The following EXOC6B variants were observed in gnomAD, a reference collection of about 807,000 sequenced individuals.
EXOC6B encodes exocyst complex component 6B.
Under a neutral mutation model 113.5 loss-of-function variants are expected in EXOC6B, and 54 were observed. The observed-to-expected ratio is 0.48, with a 90% CI of 0.38 to 0.60. EXOC6B has a LOEUF of 0.60. EXOC6B is among the 20% of genes least tolerant of loss of function. EXOC6B has a pLI of 0.00. For synonymous variants in EXOC6B, 357 were observed against 339.0 expected, an observed-to-expected ratio of 1.05 and a Z score of -0.58; for missense variants, 797 against 977.5, an observed-to-expected ratio of 0.82 and a Z score of 2.46.
intron 1 of EXOC6B, among the ~76,000 whole-genome samples, chr2:72,802,609 T>C (rs978424709): frequency 6.6e-6 from 1 of 152,216 alleles, no homozygotes; most frequent in Non-Finnish European, 1.5e-5. Context: ...TAAGCTTTTC[T>C]GTATGGTTTA....
At chr2:72,374,953 T>C in intron 19 of EXOC6B, among the ~76,000 whole-genome samples, 1 of 151,516 alleles carries the variant, frequency 6.6e-6, no homozygotes, top group Non-Finnish European at 1.5e-5. Flanking sequence ...TTTTAAAAAA[T>C]TAAAAGAGAA....
chr2:72,800,011 G>C (rs1248507722), intron 1 of EXOC6B, among the ~76,000 whole-genome samples: 1 of 152,080 alleles, frequency 6.6e-6, no homozygotes. Context: ...GCTGCAGGGA[G>C]CTAAGATCAT....
intron 8 of EXOC6B, among the ~76,000 whole-genome samples, chr2:72,556,310 T>C (rs1703541137): frequency 1.3e-5 from 2 of 152,214 alleles, no homozygotes; most frequent in Admixed American, 6.5e-5. Context: ...ATTCCCCTTA[T>C]CAAATGAGGG....
intron 18 of EXOC6B, among the ~76,000 whole-genome samples, chr2:72,415,336 TC>T (rs1694454224): frequency 2.2e-5 from 3 of 133,582 alleles, no homozygotes; most frequent in Non-Finnish European, 4.5e-5. Flanking sequence ...GAGCCTGGAG[TC>T]CTCCAAAAAA....
intron 7 of EXOC6B, among the ~76,000 whole-genome samples, chr2:72,572,983 A>C (rs1704607940): frequency 6.6e-6 from 1 of 152,208 alleles, no homozygotes. Flanking sequence ...TAAAAATATT[A>C]ACTTCCAAGT....
At chr2:72,652,421 A>G (rs1239004537) in intron 6 of EXOC6B, among the ~76,000 whole-genome samples, 3 of 152,146 alleles carry the variant, frequency 2.0e-5, no homozygotes, top group Admixed American at 2.0e-4. Flanking sequence ...GCTAAACCTT[A>G]CATTCTGCTG....
chr2:72,641,869 A>G (rs1231359404), intron 6 of EXOC6B, among the ~76,000 whole-genome samples: 1 of 152,232 alleles, frequency 6.6e-6, no homozygotes, highest in Non-Finnish European at 1.5e-5. Flanking sequence ...TTCCAGAGGA[A>G]GGATCAGGCA....
chr2:72,471,198 T>C (rs1698389814), intron 17 of EXOC6B, among the ~76,000 whole-genome samples: 1 of 152,216 alleles, frequency 6.6e-6, no homozygotes, highest in African/African-American at 2.4e-5. Context: ...GGTTTTGATT[T>C]GCATTTCTCT....
intron 19 of EXOC6B, among the ~76,000 whole-genome samples, chr2:72,343,446 A>G (rs781486005): frequency 6.6e-6 from 1 of 152,174 alleles, no homozygotes; most frequent in Non-Finnish European, 1.5e-5. Flanking sequence ...AACAAAAAGA[A>G]GTTGCCAACC....
chr2:72,554,905 A>G, intron 8 of EXOC6B, among the ~76,000 whole-genome samples: 1 of 150,916 alleles, frequency 6.6e-6, no homozygotes, highest in East Asian at 1.9e-4. Flanking sequence ...TCCCTCCCCC[A>G]GACCCCCAAC....
intron 19 of EXOC6B, among the ~76,000 whole-genome samples, chr2:72,375,284 G>T (rs1691287736): frequency 6.6e-6 from 1 of 152,128 alleles, no homozygotes; most frequent in Non-Finnish European, 1.5e-5. Flanking sequence ...GAATACAGGA[G>T]ATTTGAATAA....
intron 19 of EXOC6B, among the ~76,000 whole-genome samples, chr2:72,343,870 A>G (rs894561727): frequency 6.6e-6 from 1 of 152,154 alleles, no homozygotes; most frequent in Non-Finnish European, 1.5e-5. Flanking sequence ...TTTTCTATGT[A>G]ATGAGTCTTG....
intron 7 of EXOC6B, among the ~76,000 whole-genome samples, chr2:72,574,048 G>A (rs573253038): frequency 1.1e-4 from 16 of 151,208 alleles, no homozygotes; most frequent in Admixed American, 2.6e-4. Flanking sequence ...CCCAGGAGGC[G>A]GAGCTTGCAG....
At chr2:72,669,656 G>A (rs1379758138) in intron 6 of EXOC6B, among the ~76,000 whole-genome samples, 2 of 152,160 alleles carry the variant, frequency 1.3e-5, no homozygotes, top group Admixed American at 1.3e-4. Flanking sequence ...ACATGCTATC[G>A]CACTTTAAAC....
chr2:72,406,403 C>T (rs1438682989), intron 18 of EXOC6B, among the ~76,000 whole-genome samples: 2 of 152,190 alleles, frequency 1.3e-5, no homozygotes, highest in East Asian at 3.9e-4. Context: ...AATATACATT[C>T]TTTTCAGCAC....
intron 6 of EXOC6B, among the ~76,000 whole-genome samples, chr2:72,597,706 T>A (rs568448056): frequency 1.1e-4 from 17 of 151,846 alleles, no homozygotes; most frequent in African/African-American, 4.1e-4. Context: ...CCACTTTAAG[T>A]ATAAAACCAC....
chr2:72,293,298 T>C (rs1358242330), intron 20 of EXOC6B, among the ~76,000 whole-genome samples: 1 of 152,080 alleles, frequency 6.6e-6, no homozygotes, highest in Non-Finnish European at 1.5e-5. Context: ...TATGTTTTTA[T>C]AATATAGTAG....
intron 20 of EXOC6B, among the ~76,000 whole-genome samples, chr2:72,256,626 A>G (rs988914879): frequency 1.3e-5 from 2 of 152,310 alleles, no homozygotes; most frequent in East Asian, 1.9e-4. Context: ...CTGGCTGATC[A>G]TCTGAATCGT....
At chr2:72,589,952 A>T (rs1705826984) in intron 6 of EXOC6B, among the ~76,000 whole-genome samples, 1 of 152,062 alleles carries the variant, frequency 6.6e-6, no homozygotes, top group Non-Finnish European at 1.5e-5. Flanking sequence ...AGTGAAGGGC[A>T]GTACTCCAAG....
Sources: gnomAD v4.1 joint callset for allele counts (sites outside exome capture counted in the v4.1 genomes callset) on GRCh38, gnomAD v4.1.1 for gene constraint, MANE v1.5 for transcripts, NCBI Gene and HGNC (gene_info 2026-07-23, HGNC 2026-07-21) for gene names.